Variants in SHANK2 observed in about 807,000 individuals in gnomAD.
SHANK2 encodes SH3 and multiple ankyrin repeat domains protein 2.
A neutral mutation model predicts 133.7 loss-of-function variants in SHANK2; 43 were observed. The ratio of observed to expected loss-of-function variants is 0.32; its 90% CI spans 0.25 to 0.41. SHANK2 has a LOEUF of 0.41. SHANK2 is among the 10% of genes least tolerant of loss of function. The probability of loss-of-function intolerance (pLI) is 1.00; values close to 1 mark genes in which losing one functional copy is unlikely to be tolerated. For missense variants in SHANK2, 1,994 were observed against 2,235.8 expected, an observed-to-expected ratio of 0.89 and a Z score of 2.18; for synonymous variants, 1,017 against 952.8, an observed-to-expected ratio of 1.07 and a Z score of -1.24.
Position 70,653,671 on chromosome 11 carries a change from T to C in SHANK2, c.2061+6157A>G, listed in dbSNP as rs189120669. On this transcript the variant is annotated intron_variant, in intron 17 of 25. Coordinates refer to ENST00000601538, the MANE Select transcript of SHANK2 (RefSeq NM_012309.5). ...GTATTCCTGTTGATAAATTGGGTGG[T>C]TGTGACAGTAGCAGAATCACCTGAG... Among the ~76,000 whole-genome samples, 965 of 152,092 alleles carry C rather than the reference T, an allele frequency of 6.3e-3. 4 individuals are homozygous for C. The highest frequency in any genetic ancestry group is 9.6e-3 in the Non-Finnish European group (650 of 67,990).
At chr11:70,781,558 T>TTTTATATATATATATA (rs1555045156) in intron 14 of SHANK2, among the ~76,000 whole-genome samples, 787 of 28,974 alleles carry the variant, frequency 0.027, 25 homozygotes, top group Non-Finnish European at 0.038. Context: ...TACTTACTTA[T>TTTTATATATATATATA]TATATATATA....
At chr11:70,729,134 G>A (rs1433023126) in intron 14 of SHANK2, among the ~76,000 whole-genome samples, 5 of 151,310 alleles carry the variant, frequency 3.3e-5, no homozygotes, top group African/African-American at 1.2e-4. Flanking sequence ...GACCCAGGAG[G>A]CAGAGGTTGC....
intron 11 of SHANK2, chr11:70,862,879 G>A (rs915588406): frequency 7.8e-6 from 2 of 256,598 alleles, no homozygotes; most frequent in Admixed American, 1.0e-4. Flanking sequence ...TAAGAATTTG[G>A]GAGGAGGAGA....
At chr11:70,803,514 C>T (rs1555051146) in intron 13 of SHANK2, among the ~76,000 whole-genome samples, 8 of 151,816 alleles carry the variant, frequency 5.3e-5, no homozygotes, top group South Asian at 2.1e-4. Flanking sequence ...GTCAGGAATG[C>T]TGCAAAATCA....
intron 8 of SHANK2, among the ~76,000 whole-genome samples, chr11:71,085,624 T>TA (rs1590894150): frequency 1.4e-5 from 1 of 72,856 alleles, no homozygotes; most frequent in Non-Finnish European, 2.4e-5. Flanking sequence ...TTATATTATA[T>TA]ATTATAATAT....
chr11:71,145,796 G>A (rs1952631795), intron 3 of SHANK2, among the ~76,000 whole-genome samples: 5 of 79,720 alleles, frequency 6.3e-5, no homozygotes, highest in Admixed American at 5.6e-4. Flanking sequence ...CTGGGGCCGG[G>A]AGACTGTACT....
intron 9 of SHANK2, among the ~76,000 whole-genome samples, chr11:71,074,406 C>G (rs1406651071): frequency 6.6e-6 from 1 of 152,182 alleles, no homozygotes; most frequent in East Asian, 1.9e-4. Flanking sequence ...GTCCCTCCCC[C>G]AGCTCCTCAA....
At position 71,215,934 on chromosome 11, in the gene SHANK2, C is replaced by G. The variant is rs946763150; in HGVS notation, c.-13+8763G>C. ...AACCACAATGAGACAGCGCCTCCCC[C>G]ACCCTCCAGGATGAAGATAACCAAG... On this transcript the variant is annotated intron_variant, in intron 2 of 25. Transcript: ENST00000601538. 2.6e-5 allele frequency among the ~76,000 whole-genome samples: 4 copies of G among 152,132 alleles called. No individual in the cohort carries two copies. In the South Asian group the frequency reaches 8.3e-4, roughly 32 times the overall value.
intron 10 of SHANK2, among the ~76,000 whole-genome samples, chr11:70,932,413 G>A (rs1950515765): frequency 6.6e-6 from 1 of 152,222 alleles, no homozygotes; most frequent in African/African-American, 2.4e-5. Context: ...GACTCTGCTG[G>A]GTCCGCGCAC....
At chr11:70,558,739 CA>C (rs2136118103) in intron 17 of SHANK2, among the ~76,000 whole-genome samples, 1 of 152,272 alleles carries the variant, frequency 6.6e-6, no homozygotes, top group Non-Finnish European at 1.5e-5. Context: ...GGACTGTGCA[CA>C]CCTGAGCGGG....
intron 11 of SHANK2, among the ~76,000 whole-genome samples, chr11:70,833,035 C>A (rs577142291): frequency 3.6e-4 from 55 of 152,376 alleles, no homozygotes; most frequent in African/African-American, 1.3e-3. Flanking sequence ...GTTCCCTGCA[C>A]CCCATGTCCT....
At position 70,471,609 on chromosome 11, in the gene SHANK2, T is replaced by A. The variant is rs1184430871; in HGVS notation, c.*1260A>T. 1 of 391,752 alleles carries A rather than the reference T, an allele frequency of 2.6e-6. No homozygotes were observed. Among genetic ancestry groups the A allele is most frequent in the African/African-American group, 2.1e-5 (1 of 48,506 alleles). The allele number at this position is 391,752 out of a possible 1,614,324, so 24.3% of individuals were successfully genotyped here. A position where few individuals can be genotyped will look rare whatever the true frequency, so the allele number is the denominator to read the frequency against. The stretch of plus-strand genomic sequence containing the variant: ...CCCACCTTCTGTTCTCAACCCTGGG[T>A]TCTGTCTATACTCCATACCCACTGG... On this transcript the variant is annotated 3_prime_UTR_variant, in exon 26 of 26. Transcript: ENST00000601538. The surrounding 1 kb of genome is among the most constrained non-coding windows in gnomAD (Gnocchi z 4.1).
At chr11:70,662,009 G>A in intron 15 of SHANK2, 8 of 573,756 alleles carry the variant, frequency 1.4e-5, no homozygotes, top group South Asian at 1.4e-4. Context: ...CCAGGACGCC[G>A]CCCAGGGCAA....
intron 13 of SHANK2, among the ~76,000 whole-genome samples, chr11:70,798,938 T>A (rs1470152165): frequency 6.6e-6 from 1 of 151,962 alleles, no homozygotes; most frequent in Non-Finnish European, 1.5e-5. Context: ...TGATTTCAGA[T>A]ATAAAAGTGG....
intron 10 of SHANK2, among the ~76,000 whole-genome samples, chr11:70,945,951 TCCA>T (rs1950719927): frequency 6.6e-6 from 1 of 151,176 alleles, no homozygotes; most frequent in Non-Finnish European, 1.5e-5. Flanking sequence ...AACCTCCCTC[TCCA>T]CTAACCAACC....
At chr11:71,072,045 G>A (rs904846261) in intron 9 of SHANK2, among the ~76,000 whole-genome samples, 1 of 152,156 alleles carries the variant, frequency 6.6e-6, no homozygotes, top group Non-Finnish European at 1.5e-5. Flanking sequence ...GAAGTTCCTT[G>A]AGATCAGAGA....
At chr11:70,644,087 C>T (rs782340719) in intron 17 of SHANK2, among the ~76,000 whole-genome samples, 1 of 152,152 alleles carries the variant, frequency 6.6e-6, no homozygotes, top group Non-Finnish European at 1.5e-5. Flanking sequence ...CCAGATTTAA[C>T]AGGAAAGCCC....
Position 71,067,621 on chromosome 11 carries a change from T to C in SHANK2, c.1029+7538A>G, listed in dbSNP as rs973932632. 1.9e-4 allele frequency among the ~76,000 whole-genome samples: 29 copies of C among 152,264 alleles called. No homozygotes were observed. The East Asian group carries it at 4.6e-3, about 24-fold the overall frequency. ...CTGATAAAGCACATGTAACAATCCA[T>C]ACACCTGGGTGCTTTTAGATCTAAC... On this transcript the variant is annotated intron_variant, in intron 9 of 25. Coordinates refer to ENST00000601538, the MANE Select transcript of SHANK2 (RefSeq NM_012309.5).
chr11:70,818,430 C>T (rs1182790140), intron 12 of SHANK2, among the ~76,000 whole-genome samples: 1 of 152,194 alleles, frequency 6.6e-6, no homozygotes, highest in African/African-American at 2.4e-5. Context: ...CTCTCTTTCC[C>T]GAGCCACATC....
Sources: gnomAD v4.1 joint callset for allele counts (sites outside exome capture counted in the v4.1 genomes callset) on GRCh38, gnomAD v4.1.1 for gene constraint, Gnocchi (gnomAD v3.1) non-coding constraint, MANE v1.5 for transcripts, NCBI Gene and HGNC (gene_info 2026-07-23, HGNC 2026-07-21) for gene names.